Variants in CDKN2B-AS1 observed in about 807,000 individuals in gnomAD.
CDKN2B-AS1 encodes CDKN2B and CDKN2A antisense cis and trans regulatory RNA 1, also known as CDKN2B antisense RNA 1 (non-protein coding).
rs565883812 is a variant in CDKN2B-AS1, at chr9:22,080,388, C to A, written n.438+24001C>A. Among the ~76,000 whole-genome samples the A allele has an allele frequency of 1.2e-4, 19 of 152,336 alleles. No individual in the cohort carries two copies. In the East Asian group the frequency reaches 2.3e-3, roughly 19 times the overall value. ...CACTATGATCAAGCTGGCATCGTTT[C>A]CTTCTGAGCTAAAGATTCTGAGCTA... On this transcript the variant is annotated intron_variant and non_coding_transcript_variant, in intron 4 of 4. Transcript: ENST00000650946.
At chr9:22,047,528 G>A (rs926627702) in intron 2 of CDKN2B-AS1, among the ~76,000 whole-genome samples, 2 of 152,100 alleles carry the variant, frequency 1.3e-5, no homozygotes, top group African/African-American at 4.8e-5. Context: ...TATGAAGCGA[G>A]TAATCTATAA....
chr9:22,103,176 TGTGG>T (rs1211778345), intron 4 of CDKN2B-AS1, among the ~76,000 whole-genome samples: 1 of 122,556 alleles, frequency 8.2e-6, no homozygotes, highest in Non-Finnish European at 1.8e-5. Flanking sequence ...TGTGTGTGTG[TGTGG>T]TGCGTGAAGA....
intron 1 of CDKN2B-AS1, among the ~76,000 whole-genome samples, chr9:22,020,452 C>T (rs1420788596): frequency 6.6e-6 from 1 of 152,178 alleles, no homozygotes; most frequent in Non-Finnish European, 1.5e-5. Context: ...GGAATCATCG[C>T]ACAGTCCCCC....
chr9:22,012,245 C>G, intron 1 of CDKN2B-AS1: 2 of 1,429,462 alleles, frequency 1.4e-6, no homozygotes, highest in East Asian at 2.3e-5. Flanking sequence ...TGCGAAAATT[C>G]AAGACAAGGA....
At chr9:22,126,181 G>A (rs1310410213) in intron 4 of CDKN2B-AS1, among the ~76,000 whole-genome samples, 6 of 152,154 alleles carry the variant, frequency 3.9e-5, no homozygotes, top group Non-Finnish European at 8.8e-5. Flanking sequence ...GGTGGCAAAG[G>A]CGGAAGAAAA....
intron 1 of CDKN2B-AS1, chr9:22,008,796 A>G (rs1408372403): frequency 3.1e-6 from 5 of 1,605,804 alleles, no homozygotes; most frequent in Non-Finnish European, 4.3e-6. Flanking sequence ...GGCCCCAGCT[A>G]CCTGGATCGC....
At chr9:22,068,860 A>G (rs540802032) in intron 4 of CDKN2B-AS1, among the ~76,000 whole-genome samples, 1 of 152,310 alleles carries the variant, frequency 6.6e-6, no homozygotes, top group African/African-American at 2.4e-5. Context: ...ATGGGCTTTA[A>G]CAAGTAGTAG....
At chr9:22,042,212 A>G (rs561621889) in intron 1 of CDKN2B-AS1, among the ~76,000 whole-genome samples, 41 of 152,138 alleles carry the variant, frequency 2.7e-4, no homozygotes, top group East Asian at 1.5e-3. Flanking sequence ...CCTTTCTTCT[A>G]CCAGCTGTCT....
chr9:22,120,734 A>T (rs919014329), intron 4 of CDKN2B-AS1: 2 of 152,188 alleles, frequency 1.3e-5, no homozygotes, highest in African/African-American at 4.8e-5. Flanking sequence ...TCTTTCTGGT[A>T]TATTTTCCTG....
chr9:22,042,538 G>A (rs1031810933), intron 1 of CDKN2B-AS1, among the ~76,000 whole-genome samples: 7 of 152,042 alleles, frequency 4.6e-5, no homozygotes, highest in African/African-American at 1.4e-4. Flanking sequence ...GTGGTTGTGA[G>A]TCAAGAATAA....
chr9:22,060,538 T>G (rs1222428771), intron 4 of CDKN2B-AS1, among the ~76,000 whole-genome samples: 1 of 152,244 alleles, frequency 6.6e-6, no homozygotes, highest in Non-Finnish European at 1.5e-5. Flanking sequence ...CACATTTTCC[T>G]TTCTTCTTCT....
chr9:22,044,062 A>G (rs964333660), intron 1 of CDKN2B-AS1, among the ~76,000 whole-genome samples: 6 of 152,016 alleles, frequency 3.9e-5, no homozygotes, highest in Admixed American at 2.6e-4. Context: ...AGCCATGAGT[A>G]TCAGATAAAT....
At chr9:22,100,719 T>A (rs2131355187) in intron 4 of CDKN2B-AS1, among the ~76,000 whole-genome samples, 1 of 152,338 alleles carries the variant, frequency 6.6e-6, no homozygotes, top group South Asian at 2.1e-4. Context: ...GTTTGACTTT[T>A]TAAGAAACTG....
intron 4 of CDKN2B-AS1, chr9:22,092,401 C>T (rs1825123031): frequency 6.6e-6 from 1 of 152,176 alleles, no homozygotes; most frequent in Non-Finnish European, 1.5e-5. Flanking sequence ...AGGAATGGTA[C>T]CAGCTCCTCT....
intron 4 of CDKN2B-AS1, among the ~76,000 whole-genome samples, chr9:22,101,665 A>AACACAC (rs748040681): frequency 0.031 from 3,916 of 125,424 alleles, 127 homozygotes; most frequent in African/African-American, 0.08. Context: ...AACCCTCTTC[A>AACACAC]ACACACACAC....
intron 4 of CDKN2B-AS1, chr9:22,112,500 T>G (rs1489181190): frequency 6.6e-6 from 1 of 152,186 alleles, no homozygotes; most frequent in Non-Finnish European, 1.5e-5. Flanking sequence ...ACCAATACAC[T>G]ATTATGTGTG....
At chr9:22,031,852 T>C (rs1822486037) in intron 1 of CDKN2B-AS1, among the ~76,000 whole-genome samples, 1 of 152,212 alleles carries the variant, frequency 6.6e-6, no homozygotes, top group Non-Finnish European at 1.5e-5. Context: ...GCCAGAGTAC[T>C]TCCTCTCTTG....
At chr9:22,063,014 G>T (rs1338972468) in intron 4 of CDKN2B-AS1, among the ~76,000 whole-genome samples, 3 of 116,560 alleles carry the variant, frequency 2.6e-5, no homozygotes, top group Admixed American at 1.9e-4. Context: ...GAGAGAGAGA[G>T]AGAGAGAGAC....
Position 22,115,686 on chromosome 9 carries a change from G to T in CDKN2B-AS1, n.439-11417G>T, listed in dbSNP as rs557045172. ...GGGTGGGACCTGTGCTCCCATTAAG[G>T]TTCTTCCAGAATCATTTCTATGTGA... On this transcript the variant is annotated intron_variant and non_coding_transcript_variant, in intron 4 of 4. Transcript: ENST00000650946. Among the ~76,000 whole-genome samples the T allele has an allele frequency of 1.5e-3, 235 of 152,156 alleles. 2 individuals carry two copies. Among genetic ancestry groups the T allele is most frequent in the African/African-American group, 5.3e-3 (221 of 41,526 alleles).
Sources: gnomAD v4.1 joint callset for allele counts (sites outside exome capture counted in the v4.1 genomes callset) on GRCh38, gnomAD v4.1.1 for gene constraint, MANE v1.5 for transcripts, NCBI Gene and HGNC (gene_info 2026-07-23, HGNC 2026-07-21) for gene names.